The following VAMP3 variants were observed in gnomAD, a reference collection of about 807,000 sequenced individuals.
VAMP3 encodes vesicle-associated membrane protein 3.
Under a neutral mutation model 18.1 loss-of-function variants are expected in VAMP3, and 11 were observed. The ratio of observed to expected loss-of-function variants is 0.61; its 90% CI spans 0.38 to 1.00. The LOEUF is 1.00. VAMP3 is among the 50% of genes least tolerant of loss of function. The pLI is 0.01. For synonymous variants in VAMP3, 49 were observed against 43.1 expected (o/e 1.14, Z -0.53); for missense variants, 122 against 127.3 (o/e 0.96, Z 0.20).
rs552674247 is a variant in VAMP3, at chr1:7,779,987, AC to A, written c.*344del. On this transcript the variant is annotated 3_prime_UTR_variant, in exon 5 of 5. Coordinates refer to ENST00000054666, the MANE Select transcript of VAMP3 (RefSeq NM_004781.4). ...CTTGTCATTTGGCATTATTTTCAGA[AC>A]CACATTTTAAACCTTTGGGTAATCA... The A allele has an allele frequency of 1.7e-4, 40 of 240,836 alleles. No individual in the cohort carries two copies. The South Asian group carries it at 2.6e-3, about 16-fold the overall frequency. 14.9% of individuals were successfully genotyped at this position (240,836 alleles called of 1,614,324 possible).
chr1:7,775,329 A>AT (rs548677875), intron 2 of VAMP3, among the ~76,000 whole-genome samples: 133 of 151,142 alleles, frequency 8.8e-4, no homozygotes, highest in African/African-American at 3.0e-3. Flanking sequence ...TGTCTTTTAC[A>AT]TTTTTTTTAT....
rs2239846 is a variant in VAMP3, at chr1:7,773,242, G to A, written c.3-200G>A. 4,726 of 571,504 alleles carry A rather than the reference G, an allele frequency of 8.3e-3. 284 individuals carry two copies. In the East Asian group the frequency reaches 0.12, roughly 15 times the overall value. 35.4% of individuals were successfully genotyped at this position (571,504 alleles called of 1,614,324 possible). A position where few individuals can be genotyped will look rare whatever the true frequency, so the allele number is the denominator to read the frequency against. On this transcript the variant is annotated intron_variant, in intron 1 of 4. Transcript: ENST00000054666. ...TAACATTTGTCCCTTTAGTAGGTGG[G>A]ACAGTCTTGGAAATTATAGAGAAAT...
intron 4 of VAMP3, 141 bp downstream of exon 4, chr1:7,778,310 C>G (rs2097055342): frequency 1.0e-6 from 1 of 1,001,042 alleles, no homozygotes; most frequent in Non-Finnish European, 1.5e-6. Context: ...TGCCTGTAAT[C>G]CCAAAGCTTT....
rs984359964 is a variant in VAMP3, at chr1:7,774,893, G to A, written c.72+1382G>A. 5.9e-5 allele frequency among the ~76,000 whole-genome samples: 9 copies of A among 152,182 alleles called. No individual in the cohort carries two copies. In the East Asian group the frequency reaches 1.7e-3, roughly 29 times the overall value. ...ACAGGAAAGATTTTGTTTAGACATA[G>A]GCTTTCATTTCTCTTGAATGTATAC... On this transcript the variant is annotated intron_variant, in intron 2 of 4. Coordinates refer to ENST00000054666, the MANE Select transcript of VAMP3 (RefSeq NM_004781.4).
rs1019665679 is a variant in VAMP3 at position 7,773,433 on chromosome 1, A to G, written c.3-9A>G. ...AATGTACTCATGCTCATGCCTTTACATGTTCCAGGTCTACAGGTCCAACTG... is the reference window on the plus strand; with the variant it reads ...AATGTACTCATGCTCATGCCTTTACGTGTTCCAGGTCTACAGGTCCAACTG... On this transcript the variant is annotated splice_polypyrimidine_tract_variant and intron_variant, in intron 1 of 4. Coordinates refer to ENST00000054666, the MANE Select transcript of VAMP3 (RefSeq NM_004781.4). 1.9e-6 allele frequency: 3 copies of G among 1,613,376 alleles called. No homozygotes were observed. The highest frequency in any genetic ancestry group is 1.1e-5 in the South Asian group (1 of 91,030).
chr1:7,773,180 G>C, intron 1 of VAMP3: 2 of 439,596 alleles, frequency 4.5e-6, no homozygotes, highest in East Asian at 7.9e-5. Context: ...CGTGGGATCA[G>C]ATACTTCAGG....
rs41307000 is a variant in VAMP3 at position 7,780,359 on chromosome 1, T to C, written c.*714T>C. ...AATACCGATAAAATGGCCTTAAGTG[T>C]ATTCCTGACAGTTAAATTCAGAAAC... On this transcript the variant is annotated 3_prime_UTR_variant, in exon 5 of 5. Transcript: ENST00000054666. 3.3e-3 allele frequency: 501 copies of C among 152,924 alleles called. 1 individual carries two copies. Among genetic ancestry groups the C allele is most frequent in the Non-Finnish European group, 3.1e-3 (210 of 68,046 alleles). 9.5% of individuals were successfully genotyped at this position (152,924 alleles called of 1,614,324 possible). A position where few individuals can be genotyped will look rare whatever the true frequency, so the allele number is the denominator to read the frequency against.
intron 4 of VAMP3, among the ~76,000 whole-genome samples, chr1:7,778,605 GT>G (rs2097055554): frequency 6.6e-6 from 1 of 151,806 alleles, no homozygotes; most frequent in African/African-American, 2.4e-5. Context: ...AAGTACTTGA[GT>G]TTTGTATAAG....
At chr1:7,775,231 A>G (rs1448263325) in intron 2 of VAMP3, among the ~76,000 whole-genome samples, 7 of 152,108 alleles carry the variant, frequency 4.6e-5, no homozygotes, top group African/African-American at 1.7e-4. Flanking sequence ...GGGTTGTTTG[A>G]GTTGTGAGAG....
At chr1:7,772,315 T>C (rs2097051533) in intron 1 of VAMP3, among the ~76,000 whole-genome samples, 1 of 152,220 alleles carries the variant, frequency 6.6e-6, no homozygotes, top group Non-Finnish European at 1.5e-5. Flanking sequence ...AGATCTGTTG[T>C]AGCCCTGGTC....
chr1:7,781,422 T>C lies in VAMP3; in HGVS notation c.*1777T>C, dbSNP rs2097057182. The C allele has an allele frequency of 6.6e-6, 1 of 152,396 alleles. No homozygotes were observed. The highest frequency in any genetic ancestry group is 6.5e-5 in the Admixed American group (1 of 15,274). 9.4% of individuals were successfully genotyped at this position (152,396 alleles called of 1,614,324 possible). On this transcript the variant is annotated 3_prime_UTR_variant, in exon 5 of 5. Transcript: ENST00000054666. Reference sequence around the variant, plus strand: ...ACTGTAATCACCTAAATAAAGTGTTTATAAACATGATTGTGGCACCTGTGC... The same window carrying C: ...ACTGTAATCACCTAAATAAAGTGTTCATAAACATGATTGTGGCACCTGTGC...
At chr1:7,773,241 G>A in intron 1 of VAMP3, 1 of 570,066 alleles carries the variant, frequency 1.8e-6, no homozygotes, top group Non-Finnish European at 3.2e-6. Flanking sequence ...TTAGTAGGTG[G>A]GACAGTCTTG....
In VAMP3 at chr1:7,781,083, A is replaced by G. The variant is rs2097056893; in HGVS notation, c.*1438A>G. ...CTAAAACTCTTGTTCACATGCTATTATGACTTATAAAGCAGCAACAGCTGA... is the reference window on the plus strand; with the variant it reads ...CTAAAACTCTTGTTCACATGCTATTGTGACTTATAAAGCAGCAACAGCTGA... On this transcript the variant is annotated 3_prime_UTR_variant, in exon 5 of 5. Coordinates refer to ENST00000054666, the MANE Select transcript of VAMP3 (RefSeq NM_004781.4). 6.5e-6 allele frequency: 1 copy of G among 152,784 alleles called. No individual in the cohort carries two copies. The highest frequency in any genetic ancestry group is 1.5e-5 in the Non-Finnish European group (1 of 68,044). The allele number at this position is 152,784 out of a possible 1,614,324, so 9.5% of individuals were successfully genotyped here.
At position 7,778,131 on chromosome 1, in the gene VAMP3, G is replaced by C; in HGVS notation, c.245G>C (p.Gly82Ala). The C allele has an allele frequency of 6.2e-7, 1 of 1,614,080 alleles. No individual in the cohort carries two copies. The change falls in exon 4 of 5, where the codon GGG (glycine) becomes GCG (alanine). Residue 82 changes from glycine to alanine, a missense_variant. Transcript: ENST00000054666. ...GTTTTGTTACAGATGTGGGCAATCGGGATTACTGTTCTGGTTATCTTCATC... is the reference window on the plus strand; with the variant it reads ...GTTTTGTTACAGATGTGGGCAATCGCGATTACTGTTCTGGTTATCTTCATC... ...WWKNCKMWAI[G>A]ITVLVIFIII...
At position 7,777,263 on chromosome 1, in the gene VAMP3, A is replaced by G; in HGVS notation, c.176A>G (p.Gln59Arg). Residue 59 changes from glutamine (Q) to arginine (R), a missense_variant, in exon 3 of 5, where the codon CAA becomes CGA. Gln to Arg is a conservative substitution (Grantham distance 43). Transcript: ENST00000054666. The part of the protein sequence containing the change: ...RADALQAGAS[Q>R]FETSAAKLKR... ...GACGCACTGCAGGCAGGCGCTTCTC[A>G]ATTTGAAACGAGCGCAGCCAAGTTG... is the stretch of plus-strand genomic sequence containing the variant. 7 of 1,613,844 alleles carry G rather than the reference A, an allele frequency of 4.3e-6. No individual in the cohort carries two copies. The highest frequency in any genetic ancestry group is 5.9e-6 in the Non-Finnish European group (7 of 1,179,922).
intron 3 of VAMP3, among the ~76,000 whole-genome samples, chr1:7,777,755 A>G (rs575630420): frequency 6.6e-5 from 10 of 152,360 alleles, no homozygotes; most frequent in East Asian, 1.9e-4. Context: ...GAGCCAAAGC[A>G]GATTTTATAC....
rs781134285 is a variant in VAMP3, at chr1:7,777,250, G to T, written c.163G>T (p.Ala55Ser). Residue 55 changes from alanine to serine, a missense_variant, in exon 3 of 5, where the codon GCA becomes TCA. Transcript: ENST00000054666. ...ELDDRADALQ[A>S]GASQFETSAA... ...AGACGACCGTGCAGACGCACTGCAG[G>T]CAGGCGCTTCTCAATTTGAAACGAG... is the stretch of plus-strand genomic sequence containing the variant. The T allele has an allele frequency of 6.2e-7, 1 of 1,613,786 alleles. No individual in the cohort carries two copies. The highest frequency in any genetic ancestry group is 1.1e-5 in the South Asian group (1 of 90,980).
rs1348013811 is a variant in VAMP3, at chr1:7,777,129, T to C, written c.73-31T>C. Reference sequence around the variant, plus strand: ...CCTGGCCCTGTTCCTCCATTCTTTGTGCATTACTTGCTGTGATCACACTCA... The same window carrying C: ...CCTGGCCCTGTTCCTCCATTCTTTGCGCATTACTTGCTGTGATCACACTCA... On this transcript the variant is annotated intron_variant, in intron 2 of 4. Coordinates refer to ENST00000054666, the MANE Select transcript of VAMP3 (RefSeq NM_004781.4). 6 of 1,581,702 alleles carry C rather than the reference T, an allele frequency of 3.8e-6. No individual in the cohort carries two copies. The African/African-American group carries it at 8.1e-5, about 21-fold the overall frequency.
In VAMP3 at chr1:7,780,630, T is replaced by A. The variant is rs2097056644; in HGVS notation, c.*985T>A. The stretch of plus-strand genomic sequence containing the variant: ...GACTCCAGCATGTTTCTGATAATTA[T>A]GCAAGCAACAATTCTGTAGCCTCAA... On this transcript the variant is annotated 3_prime_UTR_variant, in exon 5 of 5. Transcript: ENST00000054666. The A allele has an allele frequency of 6.6e-6, 1 of 152,414 alleles. No homozygotes were observed. The highest frequency in any genetic ancestry group is 1.5e-5 in the Non-Finnish European group (1 of 68,052). The allele number at this position is 152,414 out of a possible 1,614,324, so 9.4% of individuals were successfully genotyped here. A position where few individuals can be genotyped will look rare whatever the true frequency, so the allele number is the denominator to read the frequency against.
Sources: allele counts gnomAD v4.1 joint callset (sites outside exome capture counted in the v4.1 genomes callset), GRCh38; gene constraint gnomAD v4.1.1; transcripts MANE v1.5; gene names NCBI Gene and HGNC (gene_info 2026-07-23, HGNC 2026-07-21).